The following KCNIP1 variants were observed in gnomAD, a reference collection of about 807,000 sequenced individuals.
The protein encoded by KCNIP1 is A-type potassium channel modulatory protein KCNIP1.
A neutral mutation model predicts 33.0 loss-of-function variants in KCNIP1; 18 were observed. The observed-to-expected ratio is 0.55, with a 90% CI of 0.38 to 0.81. The LOEUF is 0.81. Among genes scored for constraint, KCNIP1 ranks in the 30% least tolerant of loss-of-function variants. KCNIP1 has a pLI of 0.00. For synonymous variants in KCNIP1, 93 were observed against 98.3 expected (o/e 0.95, Z 0.32); for missense variants, 238 against 271.6 (o/e 0.88, Z 0.87).
chr5:170,482,723 G>T (rs576977720), intron 1 of KCNIP1, among the ~76,000 whole-genome samples: 1 of 152,322 alleles, frequency 6.6e-6, no homozygotes, highest in Non-Finnish European at 1.5e-5. Context: ...CTGGTATGCT[G>T]TGGGAGTCAA....
At chr5:170,389,050 G>A (rs1028093647) in intron 1 of KCNIP1, among the ~76,000 whole-genome samples, 12 of 152,102 alleles carry the variant, frequency 7.9e-5, no homozygotes, top group Admixed American at 1.3e-4. Flanking sequence ...GGGCCAGGGC[G>A]CTTACTACCA....
chr5:170,699,262 A>T (rs71605772), intron 1 of KCNIP1, among the ~76,000 whole-genome samples: 24,432 of 152,128 alleles, frequency 0.16, 2,367 homozygotes, highest in African/African-American at 0.27. Flanking sequence ...GATATAGACA[A>T]AGATGAGACA....
intron 1 of KCNIP1, among the ~76,000 whole-genome samples, chr5:170,441,918 C>T (rs985292958): frequency 2.8e-5 from 4 of 142,614 alleles, no homozygotes; most frequent in Admixed American, 7.5e-5. Flanking sequence ...TGCCACTGCA[C>T]TCCAGCCTGG....
chr5:170,372,064 A>T (rs1763860228), intron 1 of KCNIP1, among the ~76,000 whole-genome samples: 1 of 152,196 alleles, frequency 6.6e-6, no homozygotes, highest in Admixed American at 6.5e-5. Flanking sequence ...AATGCCAGCC[A>T]CCAATAGGGT....
chr5:170,428,638 C>G lies in KCNIP1; in HGVS notation c.88+74674C>G, dbSNP rs144439551. Among the ~76,000 whole-genome samples the G allele has an allele frequency of 7.9e-5, 12 of 152,244 alleles. No individual in the cohort carries two copies. The East Asian group carries it at 2.3e-3, about 29-fold the overall frequency. ...TGTCCCATCAGTACTCACGGGGTGG[C>G]TGTGTCTGCTACAGACATCATAGCC... On this transcript the variant is annotated intron_variant, in intron 1 of 7. Coordinates refer to the KCNIP1 transcript ENST00000377360.
At chr5:170,434,580 A>C (rs1327689348) in intron 1 of KCNIP1, among the ~76,000 whole-genome samples, 2 of 152,108 alleles carry the variant, frequency 1.3e-5, no homozygotes, top group African/African-American at 4.8e-5. Flanking sequence ...GTCTCTGCAG[A>C]CTAGGAGCAG....
At chr5:170,539,819 G>C (rs993963902) in intron 1 of KCNIP1, among the ~76,000 whole-genome samples, 1 of 152,154 alleles carries the variant, frequency 6.6e-6, no homozygotes, top group South Asian at 2.1e-4. Context: ...GGCTGAATTG[G>C]GGGGAATAGG....
chr5:170,467,863 A>G (rs1756640517), intron 1 of KCNIP1, among the ~76,000 whole-genome samples: 1 of 142,310 alleles, frequency 7.0e-6, no homozygotes, highest in Non-Finnish European at 1.5e-5. Flanking sequence ...GGTTGCAGTG[A>G]GCTGAGATCA....
At chr5:170,523,759 T>C (rs1274707786) in intron 1 of KCNIP1, among the ~76,000 whole-genome samples, 2 of 152,004 alleles carry the variant, frequency 1.3e-5, no homozygotes, top group Admixed American at 6.6e-5. Context: ...ATGCTGGGCA[T>C]CTCCCTCACG....
At chr5:170,598,352 G>A (rs938522924) in intron 1 of KCNIP1, among the ~76,000 whole-genome samples, 1 of 152,156 alleles carries the variant, frequency 6.6e-6, no homozygotes, top group Non-Finnish European at 1.5e-5. Context: ...GCAGGTCAGA[G>A]AGAAGGCACT....
chr5:170,518,714 C>T (rs1385512218), intron 1 of KCNIP1, among the ~76,000 whole-genome samples: 1 of 152,182 alleles, frequency 6.6e-6, no homozygotes, highest in African/African-American at 2.4e-5. Flanking sequence ...CCCCTGGAAG[C>T]CCCCGGATGT....
rs185942002 is a variant in KCNIP1 at position 170,439,146 on chromosome 5, C to A, written c.88+85182C>A. Reference sequence around the variant, plus strand: ...ACTCACATGCCTGGGGAAGACTGAACAGCTGGGAATAAGGGCTTCTATACC... The same window carrying A: ...ACTCACATGCCTGGGGAAGACTGAAAAGCTGGGAATAAGGGCTTCTATACC... On this transcript the variant is annotated intron_variant, in intron 1 of 7. Transcript: ENST00000377360. 6.6e-5 allele frequency among the ~76,000 whole-genome samples: 10 copies of A among 152,256 alleles called. No individual in the cohort carries two copies. The East Asian group carries it at 1.9e-3, about 29-fold the overall frequency.
intron 1 of KCNIP1, among the ~76,000 whole-genome samples, chr5:170,446,010 T>C (rs1444871936): frequency 1.3e-5 from 2 of 152,220 alleles, no homozygotes; most frequent in Non-Finnish European, 2.9e-5. Flanking sequence ...TTCATAAGCA[T>C]GCAGCCTGAC....
chr5:170,601,793 C>T (rs985961652), intron 1 of KCNIP1, among the ~76,000 whole-genome samples: 3 of 152,204 alleles, frequency 2.0e-5, no homozygotes, highest in South Asian at 2.1e-4. Flanking sequence ...GTAACGGAGG[C>T]ATCGAGCATG....
chr5:170,482,971 C>T (rs1477349918), intron 1 of KCNIP1: 4 of 414,386 alleles, frequency 9.7e-6, no homozygotes, highest in Admixed American at 5.5e-5. Context: ...GACTAGATTC[C>T]ATGCATCCCT....
chr5:170,555,544 C>G (rs1483377266), intron 1 of KCNIP1, among the ~76,000 whole-genome samples: 1 of 152,182 alleles, frequency 6.6e-6, no homozygotes, highest in Non-Finnish European at 1.5e-5. Context: ...GCTGGCCCCA[C>G]GGTTTCTTCC....
At chr5:170,585,832 C>T (rs1415982412) in intron 1 of KCNIP1, among the ~76,000 whole-genome samples, 6 of 152,226 alleles carry the variant, frequency 3.9e-5, no homozygotes, top group African/African-American at 1.2e-4. Flanking sequence ...TTCACCAGCA[C>T]GGCTGTCTCC....
intron 1 of KCNIP1, among the ~76,000 whole-genome samples, chr5:170,494,418 T>C (rs73313410): frequency 0.022 from 3,322 of 152,188 alleles, 100 homozygotes; most frequent in African/African-American, 0.075. Flanking sequence ...TGTGGCAGCC[T>C]GGAAAGGGAT....
intron 1 of KCNIP1, among the ~76,000 whole-genome samples, chr5:170,572,333 T>C (rs1757443073): frequency 6.6e-6 from 1 of 152,168 alleles, no homozygotes; most frequent in Admixed American, 6.5e-5. Flanking sequence ...TGCACACATT[T>C]TCCCACTAAA....
Sources: gnomAD v4.1 joint callset for allele counts (sites outside exome capture counted in the v4.1 genomes callset) on GRCh38, gnomAD v4.1.1 for gene constraint, MANE v1.5 for transcripts, NCBI Gene and HGNC (gene_info 2026-07-23, HGNC 2026-07-21) for gene names.